Variants in GSTCD observed in about 807,000 individuals in gnomAD.
The protein encoded by GSTCD is glutathione S-transferase C-terminal domain containing, also known as glutathione S-transferase C-terminal domain-containing protein.
GSTCD carries 44 observed loss-of-function variants against 68.3 expected under a neutral mutation model. The ratio of observed to expected loss-of-function variants is 0.64; its 90% CI spans 0.51 to 0.83. GSTCD has a LOEUF of 0.83. Ranked by LOEUF, GSTCD falls within the 40% of genes least tolerant of loss-of-function variation. GSTCD has a pLI of 0.00. For synonymous variants in GSTCD, 273 were observed against 255.2 expected (o/e 1.07, Z -0.67); for missense variants, 739 against 735.9 (o/e 1.00, Z -0.05).
At chr4:105,745,788 A>T (rs1733779211) in intron 5 of GSTCD, among the ~76,000 whole-genome samples, 2 of 152,212 alleles carry the variant, frequency 1.3e-5, no homozygotes, top group Admixed American at 1.3e-4. Context: ...GATAGTCAGA[A>T]GCATGACCTT....
At chr4:105,781,411 C>CTT (rs35271170) in intron 5 of GSTCD, among the ~76,000 whole-genome samples, 21 of 141,482 alleles carry the variant, frequency 1.5e-4, no homozygotes, top group Non-Finnish European at 1.9e-4. Context: ...TCATGCTCAG[C>CTT]TTTTTTTTTT....
At chr4:105,724,848 A>G (rs1029028265) in intron 3 of GSTCD, among the ~76,000 whole-genome samples, 2 of 152,018 alleles carry the variant, frequency 1.3e-5, no homozygotes, top group Non-Finnish European at 2.9e-5. Flanking sequence ...ACTAATTTGC[A>G]TAAGTATATA....
chr4:105,845,796 T>G lies in GSTCD; in HGVS notation c.*219T>G, dbSNP rs1182980469. 1 of 521,354 alleles carries G rather than the reference T, an allele frequency of 1.9e-6. No homozygotes were observed. Among genetic ancestry groups the G allele is most frequent in the Non-Finnish European group, 3.4e-6 (1 of 290,308 alleles). 32.3% of individuals were successfully genotyped at this position (521,354 alleles called of 1,614,324 possible). A position where few individuals can be genotyped will look rare whatever the true frequency, so the allele number is the denominator to read the frequency against. ...ATTAAAGGACTGCTGGTTTTTATAG[T>G]GAGAATCCCCTGAAGTCTCAGCTGC... On this transcript the variant is annotated 3_prime_UTR_variant, in exon 12 of 12. Coordinates refer to ENST00000515279, the MANE Select transcript of GSTCD (RefSeq NM_001370181.1).
intron 5 of GSTCD, among the ~76,000 whole-genome samples, chr4:105,741,123 G>A (rs1733617713): frequency 6.6e-6 from 1 of 151,808 alleles, no homozygotes; most frequent in African/African-American, 2.4e-5. Flanking sequence ...CTTTGAAGTA[G>A]TTGCCTTCCC....
intron 4 of GSTCD, among the ~76,000 whole-genome samples, chr4:105,727,980 T>A (rs1733098530): frequency 6.6e-6 from 1 of 152,182 alleles, no homozygotes; most frequent in Non-Finnish European, 1.5e-5. Flanking sequence ...GATTTAGAAA[T>A]GGACAGGAAG....
At chr4:105,790,274 T>A (rs1560830051) in intron 5 of GSTCD, among the ~76,000 whole-genome samples, 1 of 152,036 alleles carries the variant, frequency 6.6e-6, no homozygotes, top group Non-Finnish European at 1.5e-5. Context: ...ATATGGACAT[T>A]AGTATGCTTT....
At chr4:105,797,046 A>ATATGTG (rs551780549) in intron 5 of GSTCD, among the ~76,000 whole-genome samples, 15 of 145,518 alleles carry the variant, frequency 1.0e-4, no homozygotes, top group African/African-American at 3.2e-4. Context: ...ACAGAGATAC[A>ATATGTG]TGTGTGTGTG....
rs1724518032 is a variant in GSTCD at position 105,845,569 on chromosome 4, C to T, written c.1894C>T (p.Pro632Ser). 1.2e-6 allele frequency: 2 copies of T among 1,613,964 alleles called. No individual in the cohort carries two copies. The highest frequency in any genetic ancestry group is 4.5e-5 in the East Asian group (2 of 44,886). The change falls in exon 12 of 12, where the codon CCC becomes TCC. Residue 632 changes from proline (P) to serine (S), a missense_variant. Pro to Ser is a moderately conservative substitution (Grantham distance 74, BLOSUM62 -1). Coordinates refer to ENST00000515279, the MANE Select transcript of GSTCD (RefSeq NM_001370181.1). ...CAAAAATAACATGATTGTGGGAGTC[C>T]CCATTTAAAATGAGATATTCACATT... Reference protein sequence around the residue: ...SPKNNMIVGVPI With the variant: ...SPKNNMIVGVSI
chr4:105,833,429 C>T (rs1363803550), intron 8 of GSTCD, among the ~76,000 whole-genome samples: 1 of 151,692 alleles, frequency 6.6e-6, no homozygotes, highest in Non-Finnish European at 1.5e-5. Context: ...TGCCATTGCA[C>T]TCCAGCCTGG....
In GSTCD at chr4:105,730,571, C is replaced by T. The variant is rs902276191; in HGVS notation, c.1240+1072C>T. 5.0e-4 allele frequency among the ~76,000 whole-genome samples: 76 copies of T among 152,072 alleles called. 2 individuals are homozygous for T. The highest frequency in any genetic ancestry group is 5.0e-3 in the Admixed American group (76 of 15,258). ...AGAAGTGTCTGTTCATATCCTTCGC[C>T]CACTTTTTGATGGGCTTGTTTGTTT... On this transcript the variant is annotated intron_variant, in intron 5 of 11. Transcript: ENST00000515279.
chr4:105,799,444 T>C lies in GSTCD; in HGVS notation c.1241-23510T>C, dbSNP rs957014148. Among the ~76,000 whole-genome samples the C allele has an allele frequency of 1.8e-4, 27 of 152,292 alleles. 1 individual carries two copies. Among genetic ancestry groups the C allele is most frequent in the Admixed American group, 1.5e-3 (23 of 15,292 alleles). On this transcript the variant is annotated intron_variant, in intron 5 of 11. Transcript: ENST00000515279. ...AGCCTTTGATTTAAAGTGAGAGACATGTGACTGTTTTCATTGAACACTTAG... is the reference window on the plus strand; with the variant it reads ...AGCCTTTGATTTAAAGTGAGAGACACGTGACTGTTTTCATTGAACACTTAG...
At chr4:105,743,997 T>A (rs1024200507) in intron 5 of GSTCD, among the ~76,000 whole-genome samples, 2 of 152,192 alleles carry the variant, frequency 1.3e-5, no homozygotes, top group African/African-American at 4.8e-5. Context: ...AGTATAGTTA[T>A]CAAACAGGAT....
chr4:105,812,397 C>T (rs1379180394), intron 5 of GSTCD, among the ~76,000 whole-genome samples: 1 of 152,002 alleles, frequency 6.6e-6, no homozygotes, highest in Non-Finnish European at 1.5e-5. Flanking sequence ...GACAGGGTCT[C>T]ACTGTGTTGA....
intron 4 of GSTCD, among the ~76,000 whole-genome samples, chr4:105,727,233 T>C (rs1011030682): frequency 2.0e-5 from 3 of 151,940 alleles, no homozygotes; most frequent in Non-Finnish European, 4.4e-5. Flanking sequence ...AAGTTAAATA[T>C]AAAGATAAGG....
At chr4:105,823,471 A>C in intron 7 of GSTCD, 196 bp downstream of exon 7, 1 of 440,330 alleles carries the variant, frequency 2.3e-6, no homozygotes, top group East Asian at 3.3e-5. Context: ...AGATCATAAA[A>C]CATTTATCAA....
intron 8 of GSTCD, among the ~76,000 whole-genome samples, chr4:105,828,002 C>T (rs1034955561): frequency 2.6e-5 from 4 of 152,008 alleles, no homozygotes; most frequent in African/African-American, 9.6e-5. Context: ...TGGAAAAATG[C>T]TCATTTTGCA....
At chr4:105,746,063 G>T (rs1245230744) in intron 5 of GSTCD, among the ~76,000 whole-genome samples, 1 of 152,048 alleles carries the variant, frequency 6.6e-6, no homozygotes, top group Non-Finnish European at 1.5e-5. Flanking sequence ...TAACATGGGG[G>T]TTAGGGTCGC....
chr4:105,728,592 T>C lies in GSTCD; in HGVS notation c.1147-814T>C, dbSNP rs538851579. Among the ~76,000 whole-genome samples, 20 of 152,280 alleles carry C rather than the reference T, an allele frequency of 1.3e-4. No individual in the cohort carries two copies. The East Asian group carries it at 3.5e-3, about 26-fold the overall frequency. On this transcript the variant is annotated intron_variant, in intron 4 of 11. Transcript: ENST00000515279. ...TAATCTCATAAACTGATACAAAGCA[T>C]TCGATGCTAGAGTCTCACAGATTTT...
chr4:105,746,853 G>A (rs1733821705), intron 5 of GSTCD, among the ~76,000 whole-genome samples: 1 of 152,204 alleles, frequency 6.6e-6, no homozygotes, highest in Non-Finnish European at 1.5e-5. Flanking sequence ...AAACAAGGTA[G>A]TGATGTATAA....
Sources: gnomAD v4.1 joint callset for allele counts (sites outside exome capture counted in the v4.1 genomes callset) on GRCh38, gnomAD v4.1.1 for gene constraint, MANE v1.5 for transcripts, NCBI Gene and HGNC (gene_info 2026-07-23, HGNC 2026-07-21) for gene names.